GSN: variants seen among roughly 807,000 people sequenced by gnomAD.
GSN encodes the protein actin-depolymerizing factor.
GSN carries 56 observed loss-of-function variants against 85.7 expected under a neutral mutation model. The ratio of observed to expected loss-of-function variants is 0.65; its 90% CI spans 0.53 to 0.82. GSN has a LOEUF of 0.82. Ranked by LOEUF, GSN falls within the 40% of genes least tolerant of loss-of-function variation. The probability of loss-of-function intolerance (pLI) is 0.00; values close to 1 mark genes in which losing one functional copy is unlikely to be tolerated. For synonymous variants in GSN, 373 were observed against 399.1 expected (o/e 0.93, Z 0.78); for missense variants, 857 against 979.8 (o/e 0.87, Z 1.67).
In GSN at chr9:121,312,410, C is replaced by G. The variant is rs1337890901; in HGVS notation, c.585C>G (p.Gly195=). 1 of 1,613,860 alleles carries G rather than the reference C, an allele frequency of 6.2e-7. No homozygotes were observed. Among genetic ancestry groups the G allele is most frequent in the Non-Finnish European group, 8.5e-7 (1 of 1,179,720 alleles). Residue 195 remains glycine (G), a synonymous_variant, in exon 6 of 18, where the codon GGC becomes GGG. Transcript: ENST00000432226. ...TGAAGGCCACACAGGTGTCCAAGGG[C>G]ATCCGGGACAACGAGCGGAGTGGCC... ...ERLKATQVSK[G]IRDNERSGRA... is the part of the protein sequence containing the mutation.
intron 17 of GSN, chr9:121,331,659 C>A: frequency 1.8e-6 from 1 of 555,218 alleles, no homozygotes; most frequent in Non-Finnish European, 3.2e-6. Flanking sequence ...CCTGAGGCTT[C>A]TCAAAGAAGG....
chr9:121,232,294 G>C (rs2054405752), intron 5 of GSN, among the ~76,000 whole-genome samples: 1 of 152,186 alleles, frequency 6.6e-6, no homozygotes, highest in African/African-American at 2.4e-5. Context: ...TATGTAATGA[G>C]GAAATCTAGG....
chr9:121,263,210 G>A (rs535149509), upstream of GSN, among the ~76,000 whole-genome samples: 3 of 152,304 alleles, frequency 2.0e-5, no homozygotes, highest in Admixed American at 1.3e-4. Context: ...TATTCCCACC[G>A]TGGGGACTGG....
Position 121,318,537 on chromosome 9 carries a change from G to C in GSN, c.975+43G>C, listed in dbSNP as rs13290309. 0.063 allele frequency: 96,653 copies of C among 1,531,372 alleles called. 3,212 individuals are homozygous for C. Among genetic ancestry groups the C allele is most frequent in the Non-Finnish European group, 0.069 (75,891 of 1,104,518 alleles). 94.9% of individuals were successfully genotyped at this position (1,531,372 alleles called of 1,614,324 possible). ...GGTAGGATGGGAAGGGGTGGGTCCT[G>C]TTTGGAGGGGATGGGCTGGAGTAGG... On this transcript the variant is annotated intron_variant, in intron 9 of 17. Coordinates refer to ENST00000432226, the MANE Select transcript of GSN (RefSeq NM_198252.3). This position sits in a 1 kb window ranked among gnomAD's most constrained non-coding sequence, Gnocchi z 4.3.
intron 2 of GSN, chr9:121,286,267 C>T (rs2058060589): frequency 6.7e-6 from 6 of 895,672 alleles, no homozygotes; most frequent in Middle Eastern, 4.6e-4. Flanking sequence ...AAGTCCCGCT[C>T]CTGACTCCTA....
At chr9:121,282,638 C>G (rs371261143) in intron 2 of GSN, 1 of 599,810 alleles carries the variant, frequency 1.7e-6, no homozygotes. Flanking sequence ...AAAGCTGACT[C>G]ACCCCATCAG....
Position 121,331,377 on chromosome 9 carries a change from C to T in GSN, c.1966-11C>T. ...TCCTCATGTACCTTTCCTGTTGCAT[C>T]TCACCTCCAGGTCTTTGTCTGGGTT... On this transcript the variant is annotated splice_polypyrimidine_tract_variant and intron_variant, in intron 16 of 17. Transcript: ENST00000432226. 6.3e-7 allele frequency: 1 copy of T among 1,586,540 alleles called. No individual in the cohort carries two copies. Among genetic ancestry groups the T allele is most frequent in the Non-Finnish European group, 8.6e-7 (1 of 1,156,772 alleles).
chr9:121,328,662 G>T (rs2063524770), intron 14 of GSN, among the ~76,000 whole-genome samples: 1 of 152,172 alleles, frequency 6.6e-6, no homozygotes, highest in Admixed American at 6.5e-5. Flanking sequence ...CAAGCCAATA[G>T]TGGTCCTGGC....
intron 3 of GSN, 104 bp from the exon 4 acceptor site, chr9:121,302,807 C>T: frequency 8.9e-7 from 1 of 1,123,204 alleles, no homozygotes; most frequent in Admixed American, 1.7e-5. Context: ...TCAGCTTCTA[C>T]AGCTAGGTCA....
exon 3 of GSN, chr9:121,210,295 T>G (rs2053948665): frequency 6.6e-6 from 1 of 152,192 alleles, no homozygotes; most frequent in African/African-American, 2.4e-5. Context: ...CTCTGGAACG[T>G]TGTCAGATGT....
intron 2 of GSN, among the ~76,000 whole-genome samples, chr9:121,293,651 T>G (rs1344024794): frequency 1.4e-5 from 2 of 142,012 alleles, no homozygotes; most frequent in Admixed American, 7.4e-5. Flanking sequence ...TGAGCCGAGA[T>G]CACGCCGCTG....
At chr9:121,311,459 T>C (rs2061131586) in intron 5 of GSN, 1 of 159,690 alleles carries the variant, frequency 6.3e-6, no homozygotes, top group Admixed American at 5.9e-5. Flanking sequence ...ACTGATTTAG[T>C]GTAAGCTTTT....
intron 4 of GSN, among the ~76,000 whole-genome samples, chr9:121,230,157 G>A (rs2054358747): frequency 6.6e-6 from 1 of 152,176 alleles, no homozygotes. Flanking sequence ...GTGCTTTGAT[G>A]TGGCTCCAAT....
intron 6 of GSN, among the ~76,000 whole-genome samples, chr9:121,260,495 A>G (rs1588506472): frequency 6.6e-6 from 1 of 152,240 alleles, no homozygotes; most frequent in African/African-American, 2.4e-5. Context: ...TTGAAAGGCA[A>G]TTGAATGGAT....
Position 121,299,591 on chromosome 9 carries a change from C to T in GSN, c.-9-2372C>T, listed in dbSNP as rs917448606. 1 of 576,048 alleles carries T rather than the reference C, an allele frequency of 1.7e-6. No individual in the cohort carries two copies. Among genetic ancestry groups the T allele is most frequent in the Admixed American group, 6.3e-5 (1 of 15,796 alleles). The allele number at this position is 576,048 out of a possible 1,614,324, so 35.7% of individuals were successfully genotyped here. On this transcript the variant is annotated intron_variant, in intron 2 of 17. Transcript: ENST00000432226. This position sits in a 1 kb window ranked among gnomAD's most constrained non-coding sequence, Gnocchi z 4.2. ...CAGCTGGGCTCGCCGCCGCTCGTGCCTGCGCCCATTTAGTGTGCACACAGC... is the reference window on the plus strand; with the variant it reads ...CAGCTGGGCTCGCCGCCGCTCGTGCTTGCGCCCATTTAGTGTGCACACAGC...
chr9:121,231,058 A>G (rs1413443341), intron 4 of GSN: 1 of 152,226 alleles, frequency 6.6e-6, no homozygotes, highest in Non-Finnish European at 1.5e-5. Flanking sequence ...AAGCATCGCT[A>G]TACTCCTCCT....
intron 2 of GSN, chr9:121,282,392 C>T: frequency 6.8e-6 from 6 of 876,072 alleles, no homozygotes; most frequent in Non-Finnish European, 9.6e-6. Flanking sequence ...GTGCAAGAAC[C>T]CAGGAAAACA....
At chr9:121,245,849 C>T (rs2054689044) in intron 5 of GSN, among the ~76,000 whole-genome samples, 1 of 152,158 alleles carries the variant, frequency 6.6e-6, no homozygotes, top group African/African-American at 2.4e-5. Context: ...AACTGTTGGG[C>T]TCAAGTGACC....
In GSN at chr9:121,332,230, T is replaced by C. The variant is rs2064006358; in HGVS notation, c.2027-204T>C. 6.6e-6 allele frequency among the ~76,000 whole-genome samples: 1 copy of C among 152,156 alleles called. No homozygotes were observed. The highest frequency in any genetic ancestry group is 6.5e-5 in the Admixed American group (1 of 15,278). On this transcript the variant is annotated intron_variant, in intron 17 of 17. Coordinates refer to ENST00000432226, the MANE Select transcript of GSN (RefSeq NM_198252.3). This position sits in a 1 kb window ranked among gnomAD's most constrained non-coding sequence, Gnocchi z 4.8. ...ATTAAGCCGTAGCCCTGTTCCTTCC[T>C]GTGTTCCTGAGCAGGGTGGTGGAGA...
Sources: gnomAD v4.1 joint callset for allele counts (sites outside exome capture counted in the v4.1 genomes callset) on GRCh38, gnomAD v4.1.1 for gene constraint, Gnocchi (gnomAD v3.1) non-coding constraint, MANE v1.5 for transcripts, NCBI Gene and HGNC (gene_info 2026-07-23, HGNC 2026-07-21) for gene names.